The following CLNS1A variants were observed in gnomAD, a reference collection of about 807,000 sequenced individuals.
The protein encoded by CLNS1A is chloride nucleotide-sensitive channel 1A.
CLNS1A carries 16 observed loss-of-function variants against 29.4 expected under a neutral mutation model. The observed-to-expected ratio is 0.54, with a 90% confidence interval of 0.37 to 0.83. The LOEUF (loss-of-function observed/expected upper bound fraction) is 0.83, where lower values mean the gene tolerates loss of function less well. CLNS1A is among the 40% of genes least tolerant of loss of function. CLNS1A has a pLI of 0.00. For synonymous variants in CLNS1A, 96 were observed against 104.8 expected (o/e 0.92, Z 0.51); for missense variants, 235 against 287.4 (o/e 0.82, Z 1.32).
At position 77,637,496 on chromosome 11, in the gene CLNS1A, C is replaced by CA. The variant is rs973624963; in HGVS notation, c.125+93dup. 3 of 1,455,188 alleles carry CA rather than the reference C, an allele frequency of 2.1e-6. No homozygotes were observed. The African/African-American group carries it at 4.3e-5, about 21-fold the overall frequency. 90.1% of individuals were successfully genotyped at this position (1,455,188 alleles called of 1,614,324 possible). ...CGAGACCCCGCTCCCAGCAGGCCTC[C>CA]AGGCCGCCCCTTGCCCGGCTCCTTC... On this transcript the variant is annotated intron_variant, in intron 1 of 6. Transcript: ENST00000525428.
chr11:77,627,584 T>C (rs1401352189), intron 2 of CLNS1A, among the ~76,000 whole-genome samples: 2 of 152,130 alleles, frequency 1.3e-5, no homozygotes. Flanking sequence ...ACCAATCATA[T>C]AGATTCTGTA....
intron 4 of CLNS1A, among the ~76,000 whole-genome samples, chr11:77,624,591 A>G (rs1328607213): frequency 6.6e-6 from 1 of 152,122 alleles, no homozygotes; most frequent in African/African-American, 2.4e-5. Context: ...AGGCCGAGGC[A>G]GGCGGATCAC....
chr11:77,621,957 T>C (rs1255131692), intron 5 of CLNS1A: 2 of 456,116 alleles, frequency 4.4e-6, no homozygotes, highest in East Asian at 1.4e-4. Flanking sequence ...TCTGCCGGCT[T>C]ACCATGCAGA....
At chr11:77,637,264 ATAAAAGAAAG>A (rs1959138432) in intron 1 of CLNS1A, among the ~76,000 whole-genome samples, 1 of 145,544 alleles carries the variant, frequency 6.9e-6, no homozygotes, top group South Asian at 2.1e-4. Flanking sequence ...AAAAAAGAAA[ATAAAAGAAAG>A]AAAGAAAGAA....
chr11:77,629,735 G>C (rs1440035624), intron 2 of CLNS1A, 28 bp downstream of exon 2: 1 of 1,600,182 alleles, frequency 6.2e-7, no homozygotes, highest in African/African-American at 1.3e-5. Flanking sequence ...ATCAAAGGAG[G>C]CATTAGATTA....
chr11:77,617,924 A>G (rs1958920979), intron 6 of CLNS1A, among the ~76,000 whole-genome samples: 1 of 146,492 alleles, frequency 6.8e-6, no homozygotes. Flanking sequence ...TCTCAAAAAG[A>G]AAAAAAAAAA....
chr11:77,629,616 G>A (rs1449852279), intron 2 of CLNS1A, 147 bp downstream of exon 2: 12 of 623,448 alleles, frequency 1.9e-5, no homozygotes, highest in African/African-American at 3.7e-5. Flanking sequence ...GGATGGTCTC[G>A]ATCTCCTGAC....
At chr11:77,632,942 C>T (rs1218109469) in intron 1 of CLNS1A, among the ~76,000 whole-genome samples, 3 of 151,824 alleles carry the variant, frequency 2.0e-5, no homozygotes, top group Non-Finnish European at 4.4e-5. Flanking sequence ...CGAAAATTAG[C>T]TGGGTGTGGT....
rs967585268 is a variant in CLNS1A at position 77,637,536 on chromosome 11, A to C, written c.125+54T>G. On this transcript the variant is annotated intron_variant, in intron 1 of 6. Coordinates refer to ENST00000525428, the MANE Select transcript of CLNS1A (RefSeq NM_001293.3). ...CCGGCTCCTTCGCACCGCCTGCTCC[A>C]GCAAGGAGGAGGGCGGCGCGCAGGA... The C allele has an allele frequency of 3.2e-6, 5 of 1,541,782 alleles. No homozygotes were observed. In the African/African-American group the frequency reaches 6.9e-5, roughly 21 times the overall value.
At chr11:77,618,043 TA>T (rs1958922223) in intron 6 of CLNS1A, among the ~76,000 whole-genome samples, 2 of 152,170 alleles carry the variant, frequency 1.3e-5, no homozygotes, top group Admixed American at 1.3e-4. Context: ...ATTTCACCAT[TA>T]AAAAGAATCC....
chr11:77,634,101 CAA>C (rs202191382), intron 1 of CLNS1A, among the ~76,000 whole-genome samples: 4 of 122,788 alleles, frequency 3.3e-5, no homozygotes, highest in African/African-American at 6.0e-5. Context: ...AACTTCATCT[CAA>C]AAAAAAAAAA....
intron 1 of CLNS1A, among the ~76,000 whole-genome samples, chr11:77,637,243 T>TAAAAAAAAAAAAAAAAAAAAAAAAAA (rs747109219): frequency 1.2e-4 from 5 of 43,168 alleles, no homozygotes; most frequent in Non-Finnish European, 1.5e-4. Flanking sequence ...ATAGGCGAGT[T>TAAAAAAAAAAAAAAAAAAAAAAAAAA]AAAAAAAAAA....
chr11:77,622,949 GAAAAAAAAA>G (rs35752186), intron 4 of CLNS1A, among the ~76,000 whole-genome samples: 1 of 105,818 alleles, frequency 9.5e-6, no homozygotes, highest in African/African-American at 3.8e-5. Context: ...CCTTGTCTTG[GAAAAAAAAA>G]AAAAAAAAAG....
chr11:77,618,053 C>A (rs1958922324), intron 6 of CLNS1A, among the ~76,000 whole-genome samples: 1 of 152,024 alleles, frequency 6.6e-6, no homozygotes, highest in African/African-American at 2.4e-5. Context: ...TAAAAAGAAT[C>A]CTAAGAATTC....
chr11:77,633,823 G>A (rs1435259176), intron 1 of CLNS1A, among the ~76,000 whole-genome samples: 3 of 151,848 alleles, frequency 2.0e-5, no homozygotes, highest in African/African-American at 4.8e-5. Flanking sequence ...CTTCCTGGCC[G>A]GGTGCAGTGG....
In CLNS1A at chr11:77,617,541, C is replaced by CA. The variant is rs1344041255; in HGVS notation, c.*23-847dup. Among the ~76,000 whole-genome samples, 1,002 of 128,502 alleles carry CA rather than the reference C, an allele frequency of 7.8e-3. 10 individuals are homozygous for CA. Among genetic ancestry groups the CA allele is most frequent in the East Asian group, 0.024 (105 of 4,428 alleles). 84.3% of individuals were successfully genotyped at this position (128,502 alleles called of 152,430 possible). A position where few individuals can be genotyped will look rare whatever the true frequency, so the allele number is the denominator to read the frequency against. On this transcript the variant is annotated intron_variant, in intron 6 of 6. Coordinates refer to ENST00000525428, the MANE Select transcript of CLNS1A (RefSeq NM_001293.3). ...AGGCAACAGAGCGAGACTCCCGTGT[C>CA]AAAAAAAAAAAAATGTACAGACATT...
intron 2 of CLNS1A, among the ~76,000 whole-genome samples, chr11:77,626,733 C>T (rs557241697): frequency 1.4e-5 from 2 of 148,042 alleles, no homozygotes; most frequent in Non-Finnish European, 3.0e-5. Context: ...GCTCTGTCGC[C>T]CAGGCTGGAC....
At chr11:77,617,669 C>T (rs1413559688) in intron 6 of CLNS1A, among the ~76,000 whole-genome samples, 2 of 151,832 alleles carry the variant, frequency 1.3e-5, no homozygotes, top group African/African-American at 2.4e-5. Context: ...CCTGTAATCC[C>T]AGCACTTTGA....
intron 5 of CLNS1A, among the ~76,000 whole-genome samples, chr11:77,621,303 AC>A (rs1448111195): frequency 5.4e-5 from 8 of 147,922 alleles, no homozygotes; most frequent in Non-Finnish European, 9.0e-5. Flanking sequence ...AAACACACAC[AC>A]ACACACACAC....
Sources: gnomAD v4.1 joint callset for allele counts (sites outside exome capture counted in the v4.1 genomes callset) on GRCh38, gnomAD v4.1.1 for gene constraint, MANE v1.5 for transcripts, NCBI Gene and HGNC (gene_info 2026-07-23, HGNC 2026-07-21) for gene names.